Variants in NELL2 observed in about 807,000 individuals in gnomAD.
The protein encoded by NELL2 is neural EGFL like 2.
NELL2 carries 41 observed loss-of-function variants against 109.6 expected under a neutral mutation model. The observed-to-expected ratio is 0.37, with a 90% CI of 0.29 to 0.49. The LOEUF is 0.49. Among genes scored for constraint, NELL2 ranks in the 20% least tolerant of loss-of-function variants. NELL2 has a pLI of 0.98. For synonymous variants in NELL2, 355 were observed against 344.7 expected, an observed-to-expected ratio of 1.03 and a Z score of -0.33; for missense variants, 900 against 1,008.3, an observed-to-expected ratio of 0.89 and a Z score of 1.45.
intron 12 of NELL2, among the ~76,000 whole-genome samples, chr12:44,673,928 G>A (rs915776350): frequency 6.6e-6 from 1 of 151,514 alleles, no homozygotes; most frequent in Admixed American, 6.6e-5. Context: ...TGAGCTCTGA[G>A]ACACTTTAAA....
At chr12:44,837,714 A>G (rs1426181091) in intron 2 of NELL2, among the ~76,000 whole-genome samples, 1 of 151,950 alleles carries the variant, frequency 6.6e-6, no homozygotes, top group Non-Finnish European at 1.5e-5. Context: ...AAGTTGATTC[A>G]TATCTGCCAG....
intron 13 of NELL2, among the ~76,000 whole-genome samples, chr12:44,646,754 A>C (rs1947110421): frequency 6.6e-6 from 1 of 152,188 alleles, no homozygotes; most frequent in Admixed American, 6.5e-5. Context: ...GTCAGAGAAA[A>C]ACTTGAGTGA....
chr12:44,620,091 T>C (rs914454618), intron 13 of NELL2, among the ~76,000 whole-genome samples: 1 of 151,338 alleles, frequency 6.6e-6, no homozygotes, highest in African/African-American at 2.4e-5. Flanking sequence ...TACCTTTAGG[T>C]ATTTTGTTAT....
intron 3 of NELL2, among the ~76,000 whole-genome samples, chr12:44,792,656 A>T (rs1942477811): frequency 6.6e-6 from 1 of 152,188 alleles, no homozygotes; most frequent in South Asian, 2.1e-4. Flanking sequence ...AAAATCAACT[A>T]GATGGATTTT....
chr12:44,648,733 T>TGC (rs1566084908), intron 13 of NELL2, among the ~76,000 whole-genome samples: 1 of 22,388 alleles, frequency 4.5e-5, no homozygotes, highest in African/African-American at 1.4e-4. Flanking sequence ...ATATATATAT[T>TGC]TTTTTTTTTT....
chr12:44,690,648 G>A (rs1416132803), intron 12 of NELL2, among the ~76,000 whole-genome samples: 1 of 152,106 alleles, frequency 6.6e-6, no homozygotes, highest in Non-Finnish European at 1.5e-5. Flanking sequence ...TGGAAAATGG[G>A]CAGAGATTTT....
intron 2 of NELL2, among the ~76,000 whole-genome samples, chr12:44,817,056 A>G (rs1483886794): frequency 6.6e-6 from 1 of 152,222 alleles, no homozygotes; most frequent in African/African-American, 2.4e-5. Flanking sequence ...CTAGATAAGT[A>G]GTTTTCAATG....
intron 15 of NELL2, among the ~76,000 whole-genome samples, chr12:44,599,769 C>T (rs1032523004): frequency 9.9e-5 from 15 of 151,968 alleles, no homozygotes; most frequent in Admixed American, 9.8e-4. Flanking sequence ...TAAATTCATA[C>T]GCAGGCACAA....
Position 44,703,784 on chromosome 12 carries a change from A to G in NELL2, c.1260T>C (p.Ala420=), listed in dbSNP as rs762967084. ...NSICRNLNDR[A]VCSCRDGFRA... Reference sequence around the variant, plus strand: ...TAAAACCATCTCGACAGCTACAAACAGCCCTGTCATTCAGATTTCTGCAGA... The same window carrying G: ...TAAAACCATCTCGACAGCTACAAACGGCCCTGTCATTCAGATTTCTGCAGA... The change falls in exon 12 of 20, where the codon GCT becomes GCC. Residue 420 remains alanine, a synonymous_variant. Coordinates refer to ENST00000429094, the MANE Select transcript of NELL2 (RefSeq NM_001145108.2). 4.3e-6 allele frequency: 7 copies of G among 1,613,386 alleles called. No homozygotes were observed. The highest frequency in any genetic ancestry group is 1.3e-5 in the African/African-American group (1 of 74,860).
Position 44,665,571 on chromosome 12 carries a change from C to T in NELL2, c.1357G>A (p.Glu453Lys). 1 of 1,613,448 alleles carries T rather than the reference C, an allele frequency of 6.2e-7. No homozygotes were observed. Among genetic ancestry groups the T allele is most frequent in the Non-Finnish European group, 8.5e-7 (1 of 1,179,500 alleles). The change falls in exon 13 of 20, where the codon GAA becomes AAA. Residue 453 changes from glutamate to lysine, a missense_variant. Glu to Lys is a moderately conservative substitution (Grantham distance 56). Coordinates refer to ENST00000429094, the MANE Select transcript of NELL2 (RefSeq NM_001145108.2). ...ECAEGRHYCR[E>K]NTMCVNTPGS... ...GGGGTGTTGACACACATTGTATTTT[C>T]ACGACAGTAATGGCGCCCTTCAGCA...
intron 1 of NELL2, among the ~76,000 whole-genome samples, chr12:44,881,561 C>T (rs1227754022): frequency 3.3e-5 from 5 of 151,712 alleles, no homozygotes; most frequent in Admixed American, 1.3e-4. Flanking sequence ...TCAGTGAGCT[C>T]GAAGACAGAT....
intron 13 of NELL2, among the ~76,000 whole-genome samples, chr12:44,642,938 CCACAATAAAGAGACATTAAAAGCA>C (rs2136302859): frequency 6.6e-6 from 1 of 152,102 alleles, no homozygotes; most frequent in South Asian, 2.1e-4. Context: ...TGTGTTCTTA[CCACAATAAAGAGACATTAAAAGCA>C]CGAAGATACA....
intron 13 of NELL2, among the ~76,000 whole-genome samples, chr12:44,659,939 G>A (rs965936708): frequency 2.6e-5 from 4 of 152,144 alleles, no homozygotes; most frequent in Non-Finnish European, 2.9e-5. Flanking sequence ...GCATGCACCA[G>A]GATAGTGTAA....
chr12:44,818,843 C>T (rs1222901725), intron 2 of NELL2, among the ~76,000 whole-genome samples: 6 of 146,938 alleles, frequency 4.1e-5, no homozygotes, highest in Non-Finnish European at 1.5e-5. Context: ...CCCGGGTTCA[C>T]GCCATTCTCC....
chr12:44,515,434 T>G (rs190563810), intron 19 of NELL2, among the ~76,000 whole-genome samples: 3 of 152,028 alleles, frequency 2.0e-5, no homozygotes, highest in Non-Finnish European at 4.4e-5. Context: ...GTAATTCAAT[T>G]CATATGAAAT....
chr12:44,797,794 T>C (rs893646961), intron 3 of NELL2, among the ~76,000 whole-genome samples: 2 of 148,446 alleles, frequency 1.3e-5, no homozygotes, highest in Non-Finnish European at 3.0e-5. Flanking sequence ...AATCCAATTC[T>C]TTGACAAATT....
intron 9 of NELL2, among the ~76,000 whole-genome samples, chr12:44,715,861 G>A (rs1049395449): frequency 6.6e-6 from 1 of 152,134 alleles, no homozygotes; most frequent in East Asian, 1.9e-4. Context: ...ATGAGAAATT[G>A]TCTCACTCTT....
chr12:44,708,097 G>C (rs1937986523), intron 11 of NELL2, among the ~76,000 whole-genome samples: 1 of 152,086 alleles, frequency 6.6e-6, no homozygotes, highest in Non-Finnish European at 1.5e-5. Flanking sequence ...TGGATATAAA[G>C]GTTATCCACA....
At chr12:44,840,043 G>T (rs182617015) in intron 2 of NELL2, among the ~76,000 whole-genome samples, 1 of 152,082 alleles carries the variant, frequency 6.6e-6, no homozygotes, top group Admixed American at 6.5e-5. Flanking sequence ...CAAACCACTC[G>T]CAAGCCTCCA....
Sources: allele counts gnomAD v4.1 joint callset (sites outside exome capture counted in the v4.1 genomes callset), GRCh38; gene constraint gnomAD v4.1.1; transcripts MANE v1.5; gene names NCBI Gene and HGNC (gene_info 2026-07-23, HGNC 2026-07-21).